DLC1: variants seen among roughly 807,000 people sequenced by gnomAD.
DLC1 encodes the protein DLC1 Rho GTPase activating protein.
DLC1 carries 54 observed loss-of-function variants against 140.3 expected under a neutral mutation model. That is an observed-to-expected ratio of 0.38 (90% confidence interval 0.31 to 0.48). The LOEUF (loss-of-function observed/expected upper bound fraction) is 0.48. Ranked by LOEUF, DLC1 falls within the 20% of genes least tolerant of loss-of-function variation. The pLI is 0.96. For missense variants in DLC1, 2,536 were observed against 1,907.0 expected (o/e 1.33, Z -6.14); for synonymous variants, 986 against 728.1 (o/e 1.35, Z -5.70).
chr8:13,405,961 CTTT>C, intron 2 of DLC1, among the ~76,000 whole-genome samples: 1 of 89,576 alleles, frequency 1.1e-5, no homozygotes, highest in Non-Finnish European at 2.4e-5. Context: ...TTCTTTCTTT[CTTT>C]CTTTCTTTCA....
chr8:13,568,368 A>T (rs1188989416), intron 1 of DLC1: 1 of 178,308 alleles, frequency 5.6e-6, no homozygotes, highest in African/African-American at 2.4e-5. Context: ...ACTATGTTTG[A>T]TGGAACTGTT....
At chr8:13,567,488 GTACT>G in intron 1 of DLC1, 1 of 1,552,090 alleles carries the variant, frequency 6.4e-7, no homozygotes, top group Non-Finnish European at 8.7e-7. Flanking sequence ...GCCTTTAGTT[GTACT>G]GTACCCGATG....
At chr8:13,432,816 G>T (rs1208361785) in intron 2 of DLC1, among the ~76,000 whole-genome samples, 1 of 152,168 alleles carries the variant, frequency 6.6e-6, no homozygotes, top group South Asian at 2.1e-4. Flanking sequence ...AATGAAGACA[G>T]TGACATTAGA....
intron 4 of DLC1, among the ~76,000 whole-genome samples, chr8:13,317,122 G>C (rs945976379): frequency 6.6e-6 from 1 of 152,184 alleles, no homozygotes; most frequent in African/African-American, 2.4e-5. Flanking sequence ...TGAATTCTGA[G>C]CTTTCTGTGA....
At chr8:13,509,759 T>C (rs1802268862) in intron 1 of DLC1, among the ~76,000 whole-genome samples, 1 of 152,106 alleles carries the variant, frequency 6.6e-6, no homozygotes. Flanking sequence ...TACATACTGG[T>C]GGGCAGGAAT....
chr8:13,093,586 G>A lies in DLC1; in HGVS notation c.3527-761C>T, dbSNP rs548452359. Among the ~76,000 whole-genome samples, 7 of 152,290 alleles carry A rather than the reference G, an allele frequency of 4.6e-5. No individual in the cohort carries two copies. In the South Asian group the frequency reaches 1.0e-3, roughly 23 times the overall value. ...TCCTTGAATACATAACTCTTTAAAA[G>A]AGCATGTGGTGGAAAAATCAAGTCA... On this transcript the variant is annotated intron_variant, in intron 12 of 17. Coordinates refer to ENST00000276297, the MANE Select transcript of DLC1 (RefSeq NM_182643.3).
intron 14 of DLC1, 65 bp from the exon 15 acceptor site, chr8:13,090,535 G>A (rs1817968257): frequency 1.3e-6 from 2 of 1,570,550 alleles, no homozygotes; most frequent in Non-Finnish European, 1.7e-6. Context: ...ATGCCCATCA[G>A]TGGAAAAGAC....
At chr8:13,481,444 A>G (rs916114535) in intron 2 of DLC1, among the ~76,000 whole-genome samples, 3 of 152,206 alleles carry the variant, frequency 2.0e-5, no homozygotes, top group Non-Finnish European at 4.4e-5. Context: ...AAATAAATAA[A>G]TAAAACAAAC....
At chr8:13,301,967 G>T (rs1447787357) in intron 5 of DLC1, among the ~76,000 whole-genome samples, 1 of 152,140 alleles carries the variant, frequency 6.6e-6, no homozygotes, top group Non-Finnish European at 1.5e-5. Flanking sequence ...GTGCCAAAAA[G>T]GTTGAGGCAT....
chr8:13,524,107 ATT>A (rs1225908575), intron 1 of DLC1, among the ~76,000 whole-genome samples: 1 of 107,116 alleles, frequency 9.3e-6, no homozygotes, highest in Non-Finnish European at 1.9e-5. Context: ...TATCTATTCT[ATT>A]TATTATTATT....
chr8:13,266,324 G>C (rs762719528), intron 5 of DLC1, among the ~76,000 whole-genome samples: 30 of 152,252 alleles, frequency 2.0e-4, no homozygotes, highest in East Asian at 7.7e-4. Context: ...GGTACTCATG[G>C]CTCTGGGCAT....
intron 5 of DLC1, among the ~76,000 whole-genome samples, chr8:13,237,238 TATACAC>T (rs1184986374): frequency 8.6e-6 from 1 of 116,184 alleles, no homozygotes; most frequent in Non-Finnish European, 1.8e-5. Context: ...CATATATATA[TATACAC>T]ACACACACAC....
intron 4 of DLC1, among the ~76,000 whole-genome samples, chr8:13,378,598 C>G (rs949763335): frequency 6.6e-6 from 1 of 152,046 alleles, no homozygotes; most frequent in Admixed American, 6.5e-5. Context: ...ATTTACAAAC[C>G]TTTCAAAACC....
rs746811602 is a variant in DLC1 at position 13,499,991 on chromosome 8, A to G, written c.81T>C (p.Arg27=). 2 of 1,614,134 alleles carry G rather than the reference A, an allele frequency of 1.2e-6. No homozygotes were observed. Among genetic ancestry groups the G allele is most frequent in the African/African-American group, 1.3e-5 (1 of 75,060 alleles). ...CTAGTCCATGATGACATGCTGTGTTACGATCATCAGAATTAAAAGGCTGTC... is the reference window on the plus strand; with the variant it reads ...CTAGTCCATGATGACATGCTGTGTTGCGATCATCAGAATTAAAAGGCTGTC... The part of the protein sequence containing the change: ...WMGQPFNSDD[R]NTACHHGLVA... The change falls in exon 2 of 18, where the codon CGT becomes CGC. Residue 27 remains arginine (R), a synonymous_variant. Transcript: ENST00000276297.
rs1260213822 is a variant in DLC1, at chr8:13,086,892, G to A, written c.4293-429C>T. On this transcript the variant is annotated intron_variant, in intron 16 of 17. Transcript: ENST00000276297. ...TAAAAAATATTAGCCGGGCATGGTG[G>A]TGTGCTCCTGTAGTCTCAGCTACTC... Among the ~76,000 whole-genome samples, 6 of 152,094 alleles carry A rather than the reference G, an allele frequency of 3.9e-5. No homozygotes were observed. In the South Asian group the frequency reaches 8.3e-4, roughly 21 times the overall value.
intron 5 of DLC1, among the ~76,000 whole-genome samples, chr8:13,127,898 C>T (rs1437492242): frequency 6.6e-6 from 1 of 152,226 alleles, no homozygotes; most frequent in African/African-American, 2.4e-5. Flanking sequence ...CATCTGAGGA[C>T]TCAGCTTCAC....
intron 2 of DLC1, among the ~76,000 whole-genome samples, chr8:13,489,617 A>G (rs551455219): frequency 3.3e-5 from 5 of 152,186 alleles, no homozygotes; most frequent in African/African-American, 1.2e-4. Context: ...GAGATTAAGT[A>G]ACTTACAAGA....
chr8:13,517,492 T>C (rs1024432488), upstream of DLC1, among the ~76,000 whole-genome samples: 6 of 152,346 alleles, frequency 3.9e-5, no homozygotes, highest in East Asian at 7.7e-4. Flanking sequence ...TTATTTTTCA[T>C]TGTTGAGTTG....
At chr8:13,342,760 CTGTT>C (rs990757170) in intron 4 of DLC1, 1 of 152,352 alleles carries the variant, frequency 6.6e-6, no homozygotes, top group African/African-American at 2.4e-5. Context: ...TCCTGTCTCT[CTGTT>C]TGCCTCCAAC....
Sources: gnomAD v4.1 joint callset for allele counts (sites outside exome capture counted in the v4.1 genomes callset) on GRCh38, gnomAD v4.1.1 for gene constraint, MANE v1.5 for transcripts, NCBI Gene and HGNC (gene_info 2026-07-23, HGNC 2026-07-21) for gene names.